The following RPS6KA2 variants were observed in gnomAD, a reference collection of about 807,000 sequenced individuals.
RPS6KA2 encodes the protein ribosomal protein S6 kinase A2.
RPS6KA2 carries 42 observed loss-of-function variants against 91.8 expected under a neutral mutation model. The ratio of observed to expected loss-of-function variants is 0.46; its 90% CI spans 0.36 to 0.59. RPS6KA2 has a LOEUF of 0.59. Ranked by LOEUF, RPS6KA2 falls within the 20% of genes least tolerant of loss-of-function variation. RPS6KA2 has a pLI of 0.00. For missense variants in RPS6KA2, 798 were observed against 978.5 expected (o/e 0.82, Z 2.46); for synonymous variants, 414 against 393.6 (o/e 1.05, Z -0.61).
intron 1 of RPS6KA2, among the ~76,000 whole-genome samples, chr6:166,541,689 C>T (rs1301903912): frequency 1.3e-5 from 2 of 152,180 alleles, no homozygotes; most frequent in African/African-American, 4.8e-5. Context: ...CCATGCCACA[C>T]CCCCACCTCC....
chr6:166,831,206 T>A (rs1780174421), intron 2 of RPS6KA2, among the ~76,000 whole-genome samples: 1 of 152,010 alleles, frequency 6.6e-6, no homozygotes, highest in Non-Finnish European at 1.5e-5. Flanking sequence ...TCTCCGCAGG[T>A]GTTGGTCCTG....
intron 2 of RPS6KA2, chr6:166,701,548 ATGTGC>A: frequency 6.9e-7 from 1 of 1,449,016 alleles, no homozygotes; most frequent in Non-Finnish European, 9.7e-7. Context: ...AAGCTGCTTG[ATGTGC>A]TGGCCCTGCT....
At chr6:166,735,587 G>C (rs1414388754) in intron 2 of RPS6KA2, among the ~76,000 whole-genome samples, 1 of 152,166 alleles carries the variant, frequency 6.6e-6, no homozygotes, top group Admixed American at 6.5e-5. Flanking sequence ...GGTCTCATGT[G>C]GGGGTGATGG....
intron 10 of RPS6KA2, among the ~76,000 whole-genome samples, chr6:166,471,868 T>C (rs1001614019): frequency 1.3e-5 from 2 of 152,160 alleles, no homozygotes; most frequent in Non-Finnish European, 2.9e-5. Context: ...GCTCCCTTGT[T>C]CTCCTCTAAA....
At chr6:166,765,205 C>T (rs563216897) in intron 2 of RPS6KA2, among the ~76,000 whole-genome samples, 3 of 152,370 alleles carry the variant, frequency 2.0e-5, no homozygotes, top group Non-Finnish European at 4.4e-5. Context: ...TGCAGCATCT[C>T]TGGACTCATA....
rs1780528688 is a variant in RPS6KA2, at chr6:166,466,511, C to T, written c.972+3330G>A. ...TTCGGTGTGAAGAGACTTCTCTTTCCTACCAGCTGCAGCCCTCAGGGTCTC... is the reference window on the plus strand; with the variant it reads ...TTCGGTGTGAAGAGACTTCTCTTTCTTACCAGCTGCAGCCCTCAGGGTCTC... On this transcript the variant is annotated intron_variant, in intron 11 of 20. Transcript: ENST00000265678. 2.0e-5 allele frequency among the ~76,000 whole-genome samples: 3 copies of T among 152,196 alleles called. No homozygotes were observed. The South Asian group carries it at 6.2e-4, about 32-fold the overall frequency.
chr6:166,549,673 T>C (rs1175574660), intron 1 of RPS6KA2, among the ~76,000 whole-genome samples: 1 of 151,920 alleles, frequency 6.6e-6, no homozygotes, highest in Non-Finnish European at 1.5e-5. Context: ...TGTGTGTCCA[T>C]AAAAGGGTAC....
intron 2 of RPS6KA2, among the ~76,000 whole-genome samples, chr6:166,725,588 G>A (rs986193408): frequency 2.6e-5 from 4 of 152,242 alleles, no homozygotes; most frequent in Non-Finnish European, 5.9e-5. Context: ...GGGAGGTGGA[G>A]GAGGTGGGGC....
chr6:166,439,789 C>G (rs908098881), intron 14 of RPS6KA2: 13 of 152,262 alleles, frequency 8.5e-5, no homozygotes, highest in African/African-American at 3.1e-4. Flanking sequence ...AGGAAGCTGT[C>G]AGTCATTCAT....
chr6:166,508,236 C>G lies in RPS6KA2; in HGVS notation c.426G>C (p.Arg142=), dbSNP rs565582879. The change falls in exon 5 of 21, where the codon CGG becomes CGC. Residue 142 remains arginine, a synonymous_variant. Coordinates refer to ENST00000265678, the MANE Select transcript of RPS6KA2 (RefSeq NM_021135.6). The surrounding 1 kb of genome is among the most constrained non-coding windows in gnomAD (Gnocchi z 4.3). ...GKLYLILDFL[R]GGDLFTRLSK... is the part of the protein sequence containing the mutation. ...AGAGCCGGGTGAAGAGGTCCCCTCC[C>G]CGCAGGAAGTCCAGGATCAGGTAGA... 1 of 1,613,816 alleles carries G rather than the reference C, an allele frequency of 6.2e-7. No homozygotes were observed. Among genetic ancestry groups the G allele is most frequent in the Admixed American group, 1.7e-5 (1 of 60,026 alleles).
chr6:166,700,538 G>A (rs541410930), intron 2 of RPS6KA2, among the ~76,000 whole-genome samples: 22 of 151,896 alleles, frequency 1.4e-4, no homozygotes, highest in South Asian at 2.1e-4. Flanking sequence ...CTGAATACCC[G>A]AGGTAGTTGA....
chr6:166,848,925 ATT>A (rs1780670137), intron 2 of RPS6KA2, among the ~76,000 whole-genome samples: 1 of 152,028 alleles, frequency 6.6e-6, no homozygotes, highest in Non-Finnish European at 1.5e-5. Flanking sequence ...TTTTTAAAAA[ATT>A]AATTTTAAAA....
At chr6:166,468,364 T>C (rs967228985) in intron 11 of RPS6KA2, among the ~76,000 whole-genome samples, 2 of 152,224 alleles carry the variant, frequency 1.3e-5, no homozygotes, top group Non-Finnish European at 2.9e-5. Flanking sequence ...GAAAGTTCTT[T>C]AGTCAGAACT....
chr6:166,703,085 C>T (rs1169537959), intron 2 of RPS6KA2, among the ~76,000 whole-genome samples: 1 of 152,188 alleles, frequency 6.6e-6, no homozygotes, highest in Non-Finnish European at 1.5e-5. Flanking sequence ...AACGCATCCA[C>T]CAGGCTTGAA....
At position 166,666,779 on chromosome 6, in the gene RPS6KA2, A is replaced by G. The variant is rs925443296; in HGVS notation, c.124-127995T>C. 5.3e-5 allele frequency among the ~76,000 whole-genome samples: 8 copies of G among 152,226 alleles called. No homozygotes were observed. The highest frequency in any genetic ancestry group is 1.9e-4 in the African/African-American group (8 of 41,454). On this transcript the variant is annotated intron_variant, in intron 2 of 21. Coordinates refer to the RPS6KA2 transcript ENST00000503859. The surrounding 1 kb of genome is among the most constrained non-coding windows in gnomAD (Gnocchi z 4.0). ...CTTTCACTTCTGAGTATATACCCAAAAAGAATGGAAAGCAGAGCCTCAAAG... is the reference window on the plus strand; with the variant it reads ...CTTTCACTTCTGAGTATATACCCAAGAAGAATGGAAAGCAGAGCCTCAAAG...
intron 2 of RPS6KA2, among the ~76,000 whole-genome samples, chr6:166,762,161 G>A (rs551185804): frequency 6.6e-6 from 1 of 152,266 alleles, no homozygotes; most frequent in African/African-American, 2.4e-5. Context: ...AAAGGAAACT[G>A]AGGCCCAAAG....
At chr6:166,746,225 C>A (rs62438703) in intron 2 of RPS6KA2, among the ~76,000 whole-genome samples, 91 of 152,282 alleles carry the variant, frequency 6.0e-4, no homozygotes, top group Middle Eastern at 6.8e-3. Flanking sequence ...AGAACAACAC[C>A]GAGCTTTCCT....
At chr6:166,858,780 A>C (rs962893048) in intron 1 of RPS6KA2, among the ~76,000 whole-genome samples, 1 of 152,244 alleles carries the variant, frequency 6.6e-6, no homozygotes, top group Non-Finnish European at 1.5e-5. Flanking sequence ...TGTGGTTGGC[A>C]CAAGGTTTAA....
chr6:166,418,110 C>T lies in RPS6KA2; in HGVS notation c.1938+115G>A. The T allele has an allele frequency of 1.4e-6, 1 of 717,396 alleles. No homozygotes were observed. Among genetic ancestry groups the T allele is most frequent in the Non-Finnish European group, 2.4e-6 (1 of 422,940 alleles). 44.4% of individuals were successfully genotyped at this position (717,396 alleles called of 1,614,324 possible). Reference sequence around the variant, plus strand: ...ATTTCAAGAAAAAAAAAAAAATATGCTGAGGATAAAATACCTATACTACTT... The same window carrying T: ...ATTTCAAGAAAAAAAAAAAAATATGTTGAGGATAAAATACCTATACTACTT... On this transcript the variant is annotated intron_variant, in intron 19 of 20. Transcript: ENST00000265678. The surrounding 1 kb of genome is among the most constrained non-coding windows in gnomAD (Gnocchi z 4.9).
Sources: gnomAD v4.1 joint callset for allele counts (sites outside exome capture counted in the v4.1 genomes callset) on GRCh38, gnomAD v4.1.1 for gene constraint, Gnocchi (gnomAD v3.1) non-coding constraint, MANE v1.5 for transcripts, NCBI Gene and HGNC (gene_info 2026-07-23, HGNC 2026-07-21) for gene names.